NAP1L1: variants seen among roughly 807,000 people sequenced by gnomAD.
NAP1L1 encodes nucleosome assembly protein 1 like 1.
NAP1L1 carries 9 observed loss-of-function variants against 58.9 expected under a neutral mutation model. The observed-to-expected ratio is 0.15, with a 90% confidence interval of 0.09 to 0.27. NAP1L1 has a LOEUF of 0.27. Ranked by LOEUF, NAP1L1 falls within the 10% of genes least tolerant of loss-of-function variation. The pLI is 1.00. For synonymous variants in NAP1L1, 130 were observed against 138.3 expected, an observed-to-expected ratio of 0.94 and a Z score of 0.42; for missense variants, 302 against 458.8, an observed-to-expected ratio of 0.66 and a Z score of 3.12.
intron 1 of NAP1L1, among the ~76,000 whole-genome samples, chr12:76,080,453 G>C (rs752772465): frequency 6.6e-6 from 1 of 152,104 alleles, no homozygotes; most frequent in Non-Finnish European, 1.5e-5. Flanking sequence ...TGCTATACAG[G>C]TTTGTAGCCT....
intron 1 of NAP1L1, among the ~76,000 whole-genome samples, chr12:76,079,055 T>G (rs537095899): frequency 3.3e-5 from 5 of 151,796 alleles, no homozygotes; most frequent in African/African-American, 1.2e-4. Context: ...AAAGGCAAGA[T>G]AGCAAAAACA....
chr12:76,048,270 G>A lies in NAP1L1; in HGVS notation c.*159C>T. On this transcript the variant is annotated 3_prime_UTR_variant, in exon 15 of 15. Transcript: ENST00000618691. ...GGCAGAAAAACTAGTTAAAATGCTA[G>A]GTAGAACAAATTGGTCTTTAAAATA... 4 of 698,516 alleles carry A rather than the reference G, an allele frequency of 5.7e-6. No individual in the cohort carries two copies. The highest frequency in any genetic ancestry group is 2.1e-5 in the South Asian group (1 of 47,562). The allele number at this position is 698,516 out of a possible 1,614,324, so 43.3% of individuals were successfully genotyped here.
At chr12:76,052,697 T>C (rs1244818094) in intron 11 of NAP1L1, among the ~76,000 whole-genome samples, 1 of 152,228 alleles carries the variant, frequency 6.6e-6, no homozygotes, top group Non-Finnish European at 1.5e-5. Flanking sequence ...TATGTGAACA[T>C]ACTTAGTCAC....
chr12:76,048,352 A>G lies in NAP1L1; in HGVS notation c.*77T>C, dbSNP rs1592601797. ...TAGTCTACCAAGAAAATACAAAAAC[A>G]TAAGGCTGTAAGTAAATAAGAGTTG... On this transcript the variant is annotated 3_prime_UTR_variant, in exon 15 of 15. Coordinates refer to ENST00000618691, the MANE Select transcript of NAP1L1 (RefSeq NM_004537.7). 3.3e-6 allele frequency: 5 copies of G among 1,524,488 alleles called. No homozygotes were observed. The highest frequency in any genetic ancestry group is 4.5e-6 in the Non-Finnish European group (5 of 1,114,190). 94.4% of individuals were successfully genotyped at this position (1,524,488 alleles called of 1,614,324 possible). A position where few individuals can be genotyped will look rare whatever the true frequency, so the allele number is the denominator to read the frequency against.
At position 76,051,709 on chromosome 12, in the gene NAP1L1, G is replaced by A. The variant is rs548847163; in HGVS notation, c.937-1056C>T. On this transcript the variant is annotated intron_variant, in intron 11 of 14. Coordinates refer to ENST00000618691, the MANE Select transcript of NAP1L1 (RefSeq NM_004537.7). ...AAAAGCACAGGGCAAAAGTGGGTCT[G>A]ACATTATTCACAATTAAAATAATCC... Among the ~76,000 whole-genome samples the A allele has an allele frequency of 3.7e-4, 56 of 152,236 alleles. 1 individual carries two copies. The highest frequency in any genetic ancestry group is 6.3e-4 in the Non-Finnish European group (43 of 68,014).
intron 12 of NAP1L1, among the ~76,000 whole-genome samples, chr12:76,050,106 G>A (rs569138837): frequency 3.3e-5 from 5 of 152,244 alleles, no homozygotes; most frequent in Admixed American, 6.5e-5. Flanking sequence ...AACAATTGCC[G>A]TTGAGCAATA....
At chr12:76,058,259 C>T (rs1949226493) in intron 6 of NAP1L1, 1 of 236,812 alleles carries the variant, frequency 4.2e-6, no homozygotes, top group Non-Finnish European at 8.7e-6. Context: ...TGCCTTCGTT[C>T]TTGGCATTTT....
chr12:76,074,344 G>T (rs1950095366), intron 1 of NAP1L1, 105 bp from the exon 2 acceptor site: 1 of 1,351,086 alleles, frequency 7.4e-7, no homozygotes, highest in South Asian at 2.1e-5. Context: ...ACTATCCCAA[G>T]AAATGTCTAT....
intron 14 of NAP1L1, 31 bp downstream of exon 14, chr12:76,049,163 CTTAAAT>C (rs756854541): frequency 1.9e-6 from 3 of 1,578,370 alleles, no homozygotes; most frequent in Non-Finnish European, 2.6e-6. Context: ...CTTTAGCTAT[CTTAAAT>C]TTAATAGAAA....
rs1156881322 is a variant in NAP1L1 at position 76,038,196 on chromosome 12, A to C, written c.*10233T>G. 6.6e-6 allele frequency: 1 copy of C among 152,186 alleles called. No individual in the cohort carries two copies. The highest frequency in any genetic ancestry group is 1.5e-5 in the Non-Finnish European group (1 of 68,016). The allele number at this position is 152,186 out of a possible 1,614,324, so 9.4% of individuals were successfully genotyped here. On this transcript the variant is annotated 3_prime_UTR_variant, in exon 15 of 15. Coordinates refer to ENST00000618691, the MANE Select transcript of NAP1L1 (RefSeq NM_004537.7). ...TCTGGGGTGACAAGATACCCCAGTA[A>C]CTAAGAGTGGAAGCAATCCTCTGTC...
intron 1 of NAP1L1, among the ~76,000 whole-genome samples, chr12:76,080,786 T>C (rs1037508764): frequency 6.6e-6 from 1 of 152,208 alleles, no homozygotes; most frequent in African/African-American, 2.4e-5. Flanking sequence ...TTTAATCCCC[T>C]ATGTGGCAGC....
At chr12:76,076,592 A>C (rs12299031) in intron 1 of NAP1L1, among the ~76,000 whole-genome samples, 1,946 of 139,662 alleles carry the variant, frequency 0.014, 73 homozygotes, top group African/African-American at 0.046. Context: ...ATATATATAT[A>C]TCTCCACTCA....
At chr12:76,073,896 G>C (rs1013027663) in intron 2 of NAP1L1, 2 of 252,484 alleles carry the variant, frequency 7.9e-6, no homozygotes, top group African/African-American at 2.3e-5. Flanking sequence ...GTAAATCTTT[G>C]GGAAATATAT....
At chr12:76,065,532 TAA>T (rs10711705) in intron 4 of NAP1L1, among the ~76,000 whole-genome samples, 82 of 142,812 alleles carry the variant, frequency 5.7e-4, no homozygotes, top group African/African-American at 5.1e-4. Flanking sequence ...AAGAGCAACT[TAA>T]AAAAAAAAAA....
rs116758680 is a variant in NAP1L1, at chr12:76,074,129, T to C, written c.17+74A>G. 1,015 of 1,221,928 alleles carry C rather than the reference T, an allele frequency of 8.3e-4. 3 individuals carry two copies. The African/African-American group carries it at 0.013, about 16-fold the overall frequency. 75.7% of individuals were successfully genotyped at this position (1,221,928 alleles called of 1,614,324 possible). On this transcript the variant is annotated intron_variant, in intron 2 of 14. Transcript: ENST00000618691. The stretch of plus-strand genomic sequence containing the variant: ...CTACATTTTCATAATATATAATTCA[T>C]ACTACTTGCTGTTAAGAACAGAGTA...
intron 1 of NAP1L1, among the ~76,000 whole-genome samples, chr12:76,080,686 C>A (rs891883104): frequency 6.6e-6 from 1 of 152,152 alleles, no homozygotes; most frequent in African/African-American, 2.4e-5. Context: ...CAGCTTTTCC[C>A]TAGAGCACAG....
chr12:76,075,953 C>A (rs570215003), intron 1 of NAP1L1, among the ~76,000 whole-genome samples: 1 of 152,178 alleles, frequency 6.6e-6, no homozygotes, highest in East Asian at 1.9e-4. Flanking sequence ...CGCTTGAGGC[C>A]AGGAGTTCAA....
At chr12:76,078,041 ATTTTGTT>A in intron 1 of NAP1L1, among the ~76,000 whole-genome samples, 1 of 151,912 alleles carries the variant, frequency 6.6e-6, no homozygotes, top group Admixed American at 6.6e-5. Context: ...TAACAAAAAC[ATTTTGTT>A]AAAAATCTTA....
rs988197605 is a variant in NAP1L1, at chr12:76,062,412, T to C, written c.207-2133A>G. 2.0e-5 allele frequency among the ~76,000 whole-genome samples: 3 copies of C among 152,348 alleles called. No individual in the cohort carries two copies. The East Asian group carries it at 5.8e-4, about 29-fold the overall frequency. ...TATTAGGGTAACTGGTATTGCCTAA[T>C]GTGCTGGAGCTCAGAGAATAACTAG... On this transcript the variant is annotated intron_variant, in intron 4 of 14. Transcript: ENST00000618691.
Sources: gnomAD v4.1 joint callset for allele counts (sites outside exome capture counted in the v4.1 genomes callset) on GRCh38, gnomAD v4.1.1 for gene constraint, MANE v1.5 for transcripts, NCBI Gene and HGNC (gene_info 2026-07-23, HGNC 2026-07-21) for gene names.